MDGA2: variants seen among roughly 807,000 people sequenced by gnomAD.
The protein encoded by MDGA2 is MAM domain containing glycosylphosphatidylinositol anchor 2.
A neutral mutation model predicts 117.8 loss-of-function variants in MDGA2; 40 were observed. The observed-to-expected ratio is 0.34, with a 90% CI of 0.26 to 0.44. MDGA2 has a LOEUF of 0.44. Among genes scored for constraint, MDGA2 ranks in the 20% least tolerant of loss-of-function variants. The pLI, the probability that MDGA2 is intolerant of heterozygous loss-of-function variation, is 1.00. For synonymous variants in MDGA2, 452 were observed against 439.0 expected (o/e 1.03, Z -0.37); for missense variants, 1,123 against 1,250.6 (o/e 0.90, Z 1.54).
At chr14:47,121,922 T>A (rs529319111) in intron 5 of MDGA2, among the ~76,000 whole-genome samples, 1 of 151,996 alleles carries the variant, frequency 6.6e-6, no homozygotes, top group Non-Finnish European at 1.5e-5. Flanking sequence ...GAAATAATCA[T>A]GTAAGCCCCA....
chr14:47,321,953 T>C (rs1398047200), intron 1 of MDGA2, among the ~76,000 whole-genome samples: 1 of 152,204 alleles, frequency 6.6e-6, no homozygotes, highest in Non-Finnish European at 1.5e-5. Context: ...ATTTTACAAC[T>C]GTATAAAACA....
intron 2 of MDGA2, among the ~76,000 whole-genome samples, chr14:47,264,598 T>C (rs1271699497): frequency 6.6e-6 from 1 of 152,162 alleles, no homozygotes; most frequent in East Asian, 1.9e-4. Flanking sequence ...TTTCACTCTG[T>C]TGACTCTAGT....
At chr14:47,096,831 T>C in intron 6 of MDGA2, 23 bp downstream of exon 6, 1 of 1,609,666 alleles carries the variant, frequency 6.2e-7, no homozygotes, top group South Asian at 1.1e-5. Context: ...ATCTACGTTG[T>C]AACATTCTTT....
intron 1 of MDGA2, among the ~76,000 whole-genome samples, chr14:47,533,929 C>T (rs889188643): frequency 1.3e-5 from 2 of 152,090 alleles, no homozygotes; most frequent in African/African-American, 4.8e-5. Context: ...ATTCCCTTAT[C>T]ATGATAAATG....
At chr14:47,460,566 G>A (rs981934834) in intron 1 of MDGA2, among the ~76,000 whole-genome samples, 3 of 152,098 alleles carry the variant, frequency 2.0e-5, no homozygotes, top group African/African-American at 4.8e-5. Flanking sequence ...AATTCATAAC[G>A]AAAGATGAAA....
intron 10 of MDGA2, among the ~76,000 whole-genome samples, chr14:46,888,539 G>A (rs1408360690): frequency 6.6e-6 from 1 of 151,794 alleles, no homozygotes; most frequent in Admixed American, 6.6e-5. Context: ...ACTATAATTT[G>A]TTATTTTTAC....
intron 1 of MDGA2, among the ~76,000 whole-genome samples, chr14:47,470,044 G>T (rs1213136240): frequency 2.0e-5 from 3 of 152,028 alleles, no homozygotes; most frequent in African/African-American, 7.2e-5. Context: ...CCATCACAGT[G>T]GCAGCTAGGA....
At chr14:47,543,305 G>A (rs1436245136) in intron 1 of MDGA2, among the ~76,000 whole-genome samples, 1 of 152,124 alleles carries the variant, frequency 6.6e-6, no homozygotes, top group Non-Finnish European at 1.5e-5. Flanking sequence ...AGAATGGGAA[G>A]TAGAAAAATA....
chr14:46,883,856 G>T (rs571763669), intron 10 of MDGA2, among the ~76,000 whole-genome samples: 83 of 151,668 alleles, frequency 5.5e-4, no homozygotes, highest in African/African-American at 2.0e-3. Flanking sequence ...CCTTAATTCA[G>T]ATATATATAT....
rs538628223 is a variant in MDGA2 at position 47,393,574 on chromosome 14, G to T, written c.281-92024C>A. 3.3e-5 allele frequency among the ~76,000 whole-genome samples: 5 copies of T among 152,028 alleles called. No individual in the cohort carries two copies. In the South Asian group the frequency reaches 1.0e-3, roughly 32 times the overall value. On this transcript the variant is annotated intron_variant, in intron 1 of 16. Transcript: ENST00000399232. ...ATTTCCCATCACCTTTAAGCTTAAGGCCCCTTATTTGCACAGTCTGTTTCC... is the reference window on the plus strand; with the variant it reads ...ATTTCCCATCACCTTTAAGCTTAAGTCCCCTTATTTGCACAGTCTGTTTCC...
intron 10 of MDGA2, among the ~76,000 whole-genome samples, chr14:46,890,109 C>T (rs1267861415): frequency 1.3e-5 from 2 of 152,066 alleles, no homozygotes; most frequent in African/African-American, 4.8e-5. Context: ...GAACTCAACG[C>T]TTTTTCTCCC....
chr14:47,041,919 G>A (rs374499125), intron 7 of MDGA2, among the ~76,000 whole-genome samples: 1 of 151,928 alleles, frequency 6.6e-6, no homozygotes, highest in Non-Finnish European at 1.5e-5. Context: ...TGACTGTAGT[G>A]CACTTTAATA....
At chr14:46,959,251 ATG>A (rs3985119) in intron 8 of MDGA2, among the ~76,000 whole-genome samples, 7,430 of 139,758 alleles carry the variant, frequency 0.053, 245 homozygotes, top group East Asian at 0.16. Flanking sequence ...AATGCTATAT[ATG>A]TGTGTGTGTG....
chr14:47,029,593 C>G (rs1208441416), intron 8 of MDGA2, among the ~76,000 whole-genome samples: 1 of 151,978 alleles, frequency 6.6e-6, no homozygotes, highest in Non-Finnish European at 1.5e-5. Context: ...AATATATTCT[C>G]CAGTTAATTT....
In MDGA2 at chr14:47,467,672, T is replaced by C. The variant is rs560416618; in HGVS notation, c.281-166122A>G. Among the ~76,000 whole-genome samples, 5 of 152,180 alleles carry C rather than the reference T, an allele frequency of 3.3e-5. No individual in the cohort carries two copies. The South Asian group carries it at 1.0e-3, about 32-fold the overall frequency. Reference sequence around the variant, plus strand: ...CAGCTCTTTGACCTTGGGAAAATCATTTAGTTTTCTGTGCCTCCGTTTCCT... The same window carrying C: ...CAGCTCTTTGACCTTGGGAAAATCACTTAGTTTTCTGTGCCTCCGTTTCCT... On this transcript the variant is annotated intron_variant, in intron 1 of 16. Coordinates refer to ENST00000399232, the MANE Select transcript of MDGA2 (RefSeq NM_001113498.3).
intron 1 of MDGA2, among the ~76,000 whole-genome samples, chr14:47,433,016 G>A (rs1400351735): frequency 1.3e-5 from 2 of 152,030 alleles, no homozygotes; most frequent in Non-Finnish European, 2.9e-5. Context: ...TGACTCTCCA[G>A]GAGCTGTCCC....
chr14:47,315,717 G>C (rs1889787340), intron 1 of MDGA2, among the ~76,000 whole-genome samples: 1 of 152,026 alleles, frequency 6.6e-6, no homozygotes, highest in Non-Finnish European at 1.5e-5. Context: ...CTGTCAACTT[G>C]GCAAGGCCAC....
At chr14:47,534,496 G>T (rs964161029) in intron 1 of MDGA2, among the ~76,000 whole-genome samples, 11 of 152,158 alleles carry the variant, frequency 7.2e-5, no homozygotes, top group Non-Finnish European at 1.3e-4. Context: ...GGGGAAGCAG[G>T]CATGTCTTAC....
intron 1 of MDGA2, among the ~76,000 whole-genome samples, chr14:47,506,999 T>C (rs1894527346): frequency 6.6e-6 from 1 of 152,030 alleles, no homozygotes; most frequent in Non-Finnish European, 1.5e-5. Context: ...GCTTACTTTT[T>C]TTTTTTTTTT....
Sources: gnomAD v4.1 joint callset for allele counts (sites outside exome capture counted in the v4.1 genomes callset) on GRCh38, gnomAD v4.1.1 for gene constraint, MANE v1.5 for transcripts, NCBI Gene and HGNC (gene_info 2026-07-23, HGNC 2026-07-21) for gene names.